Variants in SYT16 observed in about 807,000 individuals in gnomAD.
SYT16 encodes synaptotagmin 16, also known as synaptotagmin-16.
Under a neutral mutation model 61.4 loss-of-function variants are expected in SYT16, and 42 were observed. The ratio of observed to expected loss-of-function variants is 0.68; its 90% CI spans 0.53 to 0.89. The LOEUF is 0.89. Among genes scored for constraint, SYT16 ranks in the 40% least tolerant of loss-of-function variants. The pLI is 0.00. For synonymous variants in SYT16, 314 were observed against 302.3 expected, an observed-to-expected ratio of 1.04 and a Z score of -0.40; for missense variants, 804 against 807.3, an observed-to-expected ratio of 1.00 and a Z score of 0.05.
At chr14:61,983,095 G>A (rs1235884165) in intron 2 of SYT16, among the ~76,000 whole-genome samples, 1 of 152,236 alleles carries the variant, frequency 6.6e-6, no homozygotes, top group South Asian at 2.1e-4. Context: ...GAATGAATTA[G>A]TAGAGGTGAC....
At chr14:61,918,619 A>T (rs2049209586) in intron 1 of SYT16, among the ~76,000 whole-genome samples, 1 of 152,208 alleles carries the variant, frequency 6.6e-6, no homozygotes, top group Non-Finnish European at 1.5e-5. Flanking sequence ...ATGATGTTTT[A>T]TAAGAGTATG....
chr14:61,920,756 C>T (rs918431137), intron 1 of SYT16, among the ~76,000 whole-genome samples: 1 of 152,160 alleles, frequency 6.6e-6, no homozygotes, highest in African/African-American at 2.4e-5. Flanking sequence ...TGATTATTTA[C>T]TGGATGTGTC....
rs2057521976 is a variant in SYT16, at chr14:62,106,782, GAC to G, written c.*6081_*6082del. On this transcript the variant is annotated 3_prime_UTR_variant, in exon 8 of 8. Coordinates refer to ENST00000683842, the MANE Select transcript of SYT16 (RefSeq NM_001367656.1). Reference sequence around the variant, plus strand: ...CCTTGGGTCACAAAACCATATCCTAGACACACAGACAATAATCACCTTATTTA... The same window carrying G: ...CCTTGGGTCACAAAACCATATCCTAGACACAGACAATAATCACCTTATTTA... 1 of 152,008 alleles carries G rather than the reference GAC, an allele frequency of 6.6e-6. No homozygotes were observed. Among genetic ancestry groups the G allele is most frequent in the African/African-American group, 2.4e-5 (1 of 41,394 alleles). The allele number at this position is 152,008 out of a possible 1,614,324, so 9.4% of individuals were successfully genotyped here. A position where few individuals can be genotyped will look rare whatever the true frequency, so the allele number is the denominator to read the frequency against.
At chr14:61,887,817 C>A (rs1441888871) in intron 1 of SYT16, among the ~76,000 whole-genome samples, 2 of 152,296 alleles carry the variant, frequency 1.3e-5, no homozygotes, top group East Asian at 3.9e-4. Flanking sequence ...TTAGTTTGAT[C>A]TTCTATCCAG....
chr14:61,873,383 G>T (rs2047389405), intron 1 of SYT16, among the ~76,000 whole-genome samples: 1 of 152,136 alleles, frequency 6.6e-6, no homozygotes. Flanking sequence ...TTTCTGTCAT[G>T]CTGGGTTTGC....
chr14:61,864,146 A>G (rs1199236381), intron 1 of SYT16, among the ~76,000 whole-genome samples: 1 of 152,228 alleles, frequency 6.6e-6, no homozygotes, highest in East Asian at 1.9e-4. Flanking sequence ...TTGTTTATCC[A>G]TTCACCAATT....
intron 1 of SYT16, among the ~76,000 whole-genome samples, chr14:61,957,890 G>T (rs1250217282): frequency 6.6e-6 from 1 of 151,784 alleles, no homozygotes; most frequent in Non-Finnish European, 1.5e-5. Flanking sequence ...TTCTTTAAAT[G>T]TTTGTTAGAA....
intron 5 of SYT16, among the ~76,000 whole-genome samples, 186 bp downstream of exon 5, chr14:62,075,577 T>A (rs1193261043): frequency 9.6e-6 from 1 of 104,230 alleles, no homozygotes; most frequent in African/African-American, 3.9e-5. Flanking sequence ...TAAATTTCTC[T>A]CAAAATGGAA....
intron 1 of SYT16, among the ~76,000 whole-genome samples, chr14:61,874,724 G>T (rs756601834): frequency 4.6e-5 from 7 of 151,736 alleles, no homozygotes; most frequent in South Asian, 2.1e-4. Flanking sequence ...TATTAAATAG[G>T]CTAGTTTTAT....
chr14:61,854,542 CAT>C (rs2046718517), intron 1 of SYT16, among the ~76,000 whole-genome samples: 2 of 152,178 alleles, frequency 1.3e-5, no homozygotes, highest in African/African-American at 4.8e-5. Flanking sequence ...CCTTTTTTCA[CAT>C]GTTCAATGTT....
intron 1 of SYT16, among the ~76,000 whole-genome samples, chr14:61,905,893 G>T (rs2048690930): frequency 6.6e-6 from 1 of 152,106 alleles, no homozygotes; most frequent in African/African-American, 2.4e-5. Flanking sequence ...AAGTGGCTGG[G>T]ACTATAGGCA....
chr14:61,884,957 G>T (rs1360562274), intron 1 of SYT16, among the ~76,000 whole-genome samples: 1 of 152,136 alleles, frequency 6.6e-6, no homozygotes, highest in Non-Finnish European at 1.5e-5. Flanking sequence ...AAGCCAAATT[G>T]TGCTCTTTTG....
chr14:62,052,701 G>T (rs2055363777), intron 3 of SYT16, among the ~76,000 whole-genome samples: 1 of 152,202 alleles, frequency 6.6e-6, no homozygotes, highest in South Asian at 2.1e-4. Flanking sequence ...GGTCATGGAG[G>T]TGGAGCCCTC....
Position 62,019,995 on chromosome 14 carries a change from TAAAG to T in SYT16, c.523+23457_523+23460del, listed in dbSNP as rs149702685. 9.1e-3 allele frequency among the ~76,000 whole-genome samples: 1,388 copies of T among 152,338 alleles called. 27 individuals are homozygous for T. The highest frequency in any genetic ancestry group is 0.029 in the African/African-American group (1,200 of 41,574). On this transcript the variant is annotated intron_variant, in intron 3 of 7. Transcript: ENST00000683842. ...AATTGTTCTTTTTTAAATTTTTAAA[TAAAG>T]AAATCCTTTCAGGTTTTTTTCTAAC...
chr14:61,972,614 T>C (rs998934726), intron 2 of SYT16, among the ~76,000 whole-genome samples: 6 of 152,212 alleles, frequency 3.9e-5, no homozygotes, highest in African/African-American at 1.4e-4. Flanking sequence ...ATCAAAAGTC[T>C]TTGAAAAACG....
intron 3 of SYT16, among the ~76,000 whole-genome samples, chr14:62,026,935 T>A (rs1182487576): frequency 6.6e-6 from 1 of 152,202 alleles, no homozygotes; most frequent in East Asian, 1.9e-4. Flanking sequence ...TTTTGCCTGC[T>A]TGATCTTTCA....
intron 6 of SYT16, among the ~76,000 whole-genome samples, chr14:62,083,225 G>A (rs1266970480): frequency 6.6e-6 from 1 of 152,162 alleles, no homozygotes; most frequent in East Asian, 1.9e-4. Flanking sequence ...CAGAATATTT[G>A]ATTCCTTTTA....
chr14:62,069,725 G>A lies in SYT16; in HGVS notation c.646G>A (p.Gly216Arg), dbSNP rs1228445281. The change falls in exon 4 of 8, where the codon GGA becomes AGA. Residue 216 changes from glycine (G) to arginine (R), a missense_variant. Transcript: ENST00000683842. Reference protein sequence around the residue: ...QSFRSVTSEKGKQTGLEQKPK... With the variant: ...QSFRSVTSEKRKQTGLEQKPK... Reference sequence around the variant, plus strand: ...TTTCCGTTCAGTGACATCTGAGAAAGGAAAGCAGACAGGATTGGAGCAGAA... The same window carrying A: ...TTTCCGTTCAGTGACATCTGAGAAAAGAAAGCAGACAGGATTGGAGCAGAA... 11 of 1,614,014 alleles carry A rather than the reference G, an allele frequency of 6.8e-6. No individual in the cohort carries two copies. Among genetic ancestry groups the A allele is most frequent in the Non-Finnish European group, 9.3e-6 (11 of 1,179,890 alleles).
chr14:61,918,201 A>G (rs747455710), intron 1 of SYT16, among the ~76,000 whole-genome samples: 1 of 152,198 alleles, frequency 6.6e-6, no homozygotes, highest in Non-Finnish European at 1.5e-5. Context: ...AACATTATCA[A>G]TGAAGGTCAA....
Sources: allele counts gnomAD v4.1 joint callset (sites outside exome capture counted in the v4.1 genomes callset), GRCh38; gene constraint gnomAD v4.1.1; transcripts MANE v1.5; gene names NCBI Gene and HGNC (gene_info 2026-07-23, HGNC 2026-07-21).